Variants in PRKCD observed in about 807,000 individuals in gnomAD.
PRKCD encodes the protein protein kinase C delta type.
In PRKCD, 20 loss-of-function variants were observed where a neutral mutation model predicts 82.2. That is an observed-to-expected ratio of 0.24 (90% CI 0.17 to 0.35). PRKCD has a LOEUF of 0.35. PRKCD is among the 10% of genes least tolerant of loss of function. The pLI, the probability that PRKCD is intolerant of heterozygous loss-of-function variation, is 1.00. For synonymous variants in PRKCD, 317 were observed against 337.0 expected (o/e 0.94, Z 0.65); for missense variants, 607 against 899.0 (o/e 0.68, Z 4.15).
At chr3:53,165,369 G>A (rs532795510) in intron 2 of PRKCD, among the ~76,000 whole-genome samples, 154 bp downstream of exon 2, 2 of 152,362 alleles carry the variant, frequency 1.3e-5, no homozygotes, top group East Asian at 3.9e-4. Flanking sequence ...GGCCGCAGCT[G>A]TTTGCCCTGT....
intron 14 of PRKCD, among the ~76,000 whole-genome samples, 198 bp downstream of exon 14, chr3:53,186,893 C>A (rs1559630172): frequency 6.6e-6 from 1 of 152,222 alleles, no homozygotes; most frequent in Non-Finnish European, 1.5e-5. Context: ...TGAACTGCGG[C>A]TGGGTGCGCA....
In PRKCD at chr3:53,186,553, G is replaced by A. The variant is rs45596236; in HGVS notation, c.1261-51G>A. ...GCTTGGCCCCAGTGGCCCTCAGTGA[G>A]GGAGCCTCCTGCCTATTCCTCACCC... is the stretch of plus-strand genomic sequence containing the variant. On this transcript the variant is annotated intron_variant, in intron 13 of 18. Coordinates refer to ENST00000330452, the MANE Select transcript of PRKCD (RefSeq NM_006254.4). 0.27 allele frequency: 414,273 copies of A among 1,526,860 alleles called. 57,205 individuals are homozygous for A. The highest frequency in any genetic ancestry group is 0.33 in the African/African-American group (23,796 of 72,848). The allele number at this position is 1,526,860 out of a possible 1,614,324, so 94.6% of individuals were successfully genotyped here.
In PRKCD at chr3:53,169,376, G is replaced by A. The variant is rs187695580; in HGVS notation, c.-20+4161G>A. On this transcript the variant is annotated intron_variant, in intron 2 of 18. Coordinates refer to ENST00000330452, the MANE Select transcript of PRKCD (RefSeq NM_006254.4). This position sits in a 1 kb window ranked among gnomAD's most constrained non-coding sequence, Gnocchi z 4.7. ...AACAGGCCTTCTAAGGGGTGGGGGA[G>A]CATTTGAGAGGCCCACGAACAGGAC... is the stretch of plus-strand genomic sequence containing the variant. Among the ~76,000 whole-genome samples, 6 of 152,250 alleles carry A rather than the reference G, an allele frequency of 3.9e-5. No individual in the cohort carries two copies. Among genetic ancestry groups the A allele is most frequent in the African/African-American group, 9.6e-5 (4 of 41,560 alleles).
At position 53,181,525 on chromosome 3, in the gene PRKCD, T is replaced by C. The variant is rs370103982; in HGVS notation, c.458T>C (p.Ile153Thr). The C allele has an allele frequency of 6.2e-7, 1 of 1,614,212 alleles. No homozygotes were observed. The highest frequency in any genetic ancestry group is 1.3e-5 in the African/African-American group (1 of 75,054). Residue 153 changes from isoleucine to threonine, a missense_variant, in exon 6 of 19, where the codon ATC (isoleucine) becomes ACC (threonine). Around this residue, in one of 5 missense-constraint regions of PRKCD, gnomAD observed 161 missense variants for 227.0 expected, o/e 0.71. Coordinates refer to ENST00000330452, the MANE Select transcript of PRKCD (RefSeq NM_006254.4). ...CGCGGAGCCATCAAACAGGCCAAAA[T>C]CCACTACATCAAGAACCATGAGTTT... ...NRRGAIKQAK[I>T]HYIKNHEFIA... is the part of the protein sequence containing the mutation.
At chr3:53,189,789 C>T in intron 17 of PRKCD, 84 bp from the exon 18 acceptor site, 2 of 1,583,652 alleles carry the variant, frequency 1.3e-6, no homozygotes, top group Non-Finnish European at 1.7e-6. Context: ...CCTGGCTTTG[C>T]ATCCCTGGGC....
chr3:53,186,047 C>T lies in PRKCD; in HGVS notation c.1086+20C>T, dbSNP rs781939158. On this transcript the variant is annotated intron_variant, in intron 12 of 18. Transcript: ENST00000330452. The stretch of plus-strand genomic sequence containing the variant: ...GGGAAGGTGAGGGCTGTGAGCCGGG[C>T]ACCTGCTTCCCACCCCACCCTGGCT... 10 of 1,613,248 alleles carry T rather than the reference C, an allele frequency of 6.2e-6. No homozygotes were observed. The highest frequency in any genetic ancestry group is 8.5e-6 in the Non-Finnish European group (10 of 1,179,360).
intron 16 of PRKCD, 99 bp from the exon 17 acceptor site, chr3:53,188,959 C>T (rs545423240): frequency 6.8e-5 from 108 of 1,580,746 alleles, no homozygotes; most frequent in Middle Eastern, 3.7e-4. Context: ...CAAGCCAAAG[C>T]CCATAGGCTG....
chr3:53,191,441 A>G (rs1172244890), intron 18 of PRKCD, among the ~76,000 whole-genome samples: 1 of 151,966 alleles, frequency 6.6e-6, no homozygotes, highest in African/African-American at 2.4e-5. Context: ...AAATAAATAA[A>G]ATATAGGTTC....
chr3:53,176,277 TCTGCCC>T (rs67993234), intron 2 of PRKCD, among the ~76,000 whole-genome samples: 9,135 of 152,224 alleles, frequency 0.06, 821 homozygotes, highest in African/African-American at 0.2. Context: ...TGTGGTGGGG[TCTGCCC>T]CTGCCCTGCC....
At chr3:53,165,631 G>T (rs1479087347) in intron 2 of PRKCD, among the ~76,000 whole-genome samples, 1 of 152,174 alleles carries the variant, frequency 6.6e-6, no homozygotes, top group African/African-American at 2.4e-5. Flanking sequence ...AATTCCCCGT[G>T]GGCCCCACAG....
chr3:53,182,025 C>A (rs1294159113), intron 7 of PRKCD: 1 of 594,610 alleles, frequency 1.7e-6, no homozygotes, highest in Non-Finnish European at 3.2e-6. Flanking sequence ...ATGCACCAGG[C>A]CTCTTTTCCT....
intron 10 of PRKCD, 148 bp from the exon 11 acceptor site, chr3:53,185,456 C>T (rs1703637868): frequency 1.5e-6 from 1 of 674,018 alleles, no homozygotes; most frequent in Non-Finnish European, 2.6e-6. Flanking sequence ...CGTGTGTGTA[C>T]ACGCAGCCCG....
chr3:53,187,922 C>G (rs1218718913), intron 15 of PRKCD, among the ~76,000 whole-genome samples: 2 of 152,114 alleles, frequency 1.3e-5, no homozygotes, highest in African/African-American at 4.8e-5. Flanking sequence ...CGCGATGGCT[C>G]ACGCCTGTAA....
rs1488467882 is a variant in PRKCD, at chr3:53,181,119, G to GA, written c.316-87dup. On this transcript the variant is annotated intron_variant, in intron 4 of 18. Transcript: ENST00000330452. The stretch of plus-strand genomic sequence containing the variant: ...TTGGGGGGCTGCCTTGGCCTTGGGG[G>GA]ACCAGCCATGGGGGTGGGTTCTGAG... The GA allele has an allele frequency of 1.3e-5, 19 of 1,440,680 alleles. No homozygotes were observed. In the East Asian group the frequency reaches 4.7e-4, roughly 35 times the overall value. The allele number at this position is 1,440,680 out of a possible 1,614,324, so 89.2% of individuals were successfully genotyped here.
rs1553667383 is a variant in PRKCD, at chr3:53,181,201, C to CA, written c.316-4dup. Reference sequence around the variant, plus strand: ...TTGTTCTCCCCTGGCCTCTGGCCCCCAACAGCTGGACCTGCAGCCTCAGGC... The same window carrying CA: ...TTGTTCTCCCCTGGCCTCTGGCCCCCAAACAGCTGGACCTGCAGCCTCAGGC... On this transcript the variant is annotated splice_polypyrimidine_tract_variant and splice_region_variant and intron_variant, in intron 4 of 18. Coordinates refer to ENST00000330452, the MANE Select transcript of PRKCD (RefSeq NM_006254.4). 1.2e-6 allele frequency: 2 copies of CA among 1,613,320 alleles called. No individual in the cohort carries two copies. Among genetic ancestry groups the CA allele is most frequent in the Non-Finnish European group, 1.7e-6 (2 of 1,179,642 alleles).
rs139575341 is a variant in PRKCD at position 53,180,228 on chromosome 3, CCAA to C, written c.315+455_315+457del. 2.3e-3 allele frequency among the ~76,000 whole-genome samples: 357 copies of C among 152,338 alleles called. 2 individuals carry two copies. Among genetic ancestry groups the C allele is most frequent in the African/African-American group, 8.4e-3 (348 of 41,564 alleles). On this transcript the variant is annotated intron_variant, in intron 4 of 18. Transcript: ENST00000330452. ...CTGCATGAAAGGGTGTGTCCCTGCC[CCAA>C]CACCAGGCCACCAGGCCTCCTTCCC...
chr3:53,181,051 C>T (rs112763298), intron 4 of PRKCD, among the ~76,000 whole-genome samples, 156 bp from the exon 5 acceptor site: 7 of 151,362 alleles, frequency 4.6e-5, no homozygotes, highest in African/African-American at 1.5e-4. Context: ...GGGGCTCAGG[C>T]GGGGCCCTGC....
rs1553662884 is a variant in PRKCD at position 53,161,299 on chromosome 3, C to T, written c.-261C>T. The T allele has an allele frequency of 1.3e-5, 2 of 149,472 alleles. No individual in the cohort carries two copies. Among genetic ancestry groups the T allele is most frequent in the African/African-American group, 4.9e-5 (2 of 41,060 alleles). The allele number at this position is 149,472 out of a possible 1,614,324, so 9.3% of individuals were successfully genotyped here. A position where few individuals can be genotyped will look rare whatever the true frequency, so the allele number is the denominator to read the frequency against. ...CGGCGCCCGCCCGCCGCGCGGAGGC[C>T]CGGGCCACACCTCACTGGCCGCTTG... On this transcript the variant is annotated 5_prime_UTR_variant, in exon 1 of 19. Transcript: ENST00000330452.
At position 53,171,042 on chromosome 3, in the gene PRKCD, G is replaced by A. The variant is rs559869768; in HGVS notation, c.-20+5827G>A. Among the ~76,000 whole-genome samples, 170 of 152,216 alleles carry A rather than the reference G, an allele frequency of 1.1e-3. 1 individual carries two copies. Among genetic ancestry groups the A allele is most frequent in the African/African-American group, 4.0e-3 (165 of 41,532 alleles). On this transcript the variant is annotated intron_variant, in intron 2 of 18. Coordinates refer to ENST00000330452, the MANE Select transcript of PRKCD (RefSeq NM_006254.4). ...GTGCGTGTGTGTCTAATGTCGAGTG[G>A]GGCTCCCTATGTGCTGTTTGGGTTG... is the stretch of plus-strand genomic sequence containing the variant.
Sources: gnomAD v4.1 joint callset for allele counts (sites outside exome capture counted in the v4.1 genomes callset) on GRCh38, gnomAD v4.1.1 for gene constraint, gnomAD v4.1.1 regional missense constraint, Gnocchi (gnomAD v3.1) non-coding constraint, MANE v1.5 for transcripts, NCBI Gene and HGNC (gene_info 2026-07-23, HGNC 2026-07-21) for gene names.